ATG10: variants seen among roughly 807,000 people sequenced by gnomAD.
ATG10 encodes the protein ubiquitin-like-conjugating enzyme ATG10.
A neutral mutation model predicts 32.1 loss-of-function variants in ATG10; 30 were observed. The observed-to-expected ratio is 0.94, with a 90% confidence interval of 0.70 to 1.27. ATG10 has a LOEUF of 1.27. ATG10 is among the 50% of genes most tolerant of loss of function. The pLI is 0.00. For missense variants in ATG10, 233 were observed against 262.3 expected (o/e 0.89, Z 0.77); for synonymous variants, 87 against 91.5 (o/e 0.95, Z 0.28).
At chr5:81,978,787 A>G (rs936646285) in intron 1 of ATG10, among the ~76,000 whole-genome samples, 24 of 152,144 alleles carry the variant, frequency 1.6e-4, no homozygotes, top group African/African-American at 5.8e-4. Context: ...CGGCCTTGCA[A>G]AGTGTACATC....
intron 3 of ATG10, among the ~76,000 whole-genome samples, chr5:82,114,488 A>C (rs1344479821): frequency 1.3e-5 from 2 of 152,072 alleles, no homozygotes; most frequent in Admixed American, 1.3e-4. Context: ...AATTTTTCCT[A>C]GTGTTCATTG....
rs150583269 is a variant in ATG10, at chr5:81,977,999, A to G, written c.-13+5693A>G. Among the ~76,000 whole-genome samples, 1,138 of 152,322 alleles carry G rather than the reference A, an allele frequency of 7.5e-3. 10 individuals carry two copies. Among genetic ancestry groups the G allele is most frequent in the African/African-American group, 0.023 (973 of 41,568 alleles). On this transcript the variant is annotated intron_variant, in intron 1 of 7. Transcript: ENST00000282185. The stretch of plus-strand genomic sequence containing the variant: ...CCAAAATAAAAATATGGCACTTGGT[A>G]GTATATTTTAAAGACACTTTGCTCT...
chr5:82,235,645 G>A (rs1052169408), intron 5 of ATG10, among the ~76,000 whole-genome samples: 3 of 152,176 alleles, frequency 2.0e-5, no homozygotes, highest in Non-Finnish European at 2.9e-5. Context: ...ACTTGCAGGG[G>A]TTTGACTAGA....
chr5:82,016,729 C>A (rs1403067290), intron 2 of ATG10, among the ~76,000 whole-genome samples: 1 of 150,898 alleles, frequency 6.6e-6, no homozygotes, highest in Non-Finnish European at 1.5e-5. Flanking sequence ...TGCTCTGTTG[C>A]CCAGGCTGGA....
Position 82,098,755 on chromosome 5 carries a change from A to G in ATG10, c.216+40153A>G, listed in dbSNP as rs527705997. On this transcript the variant is annotated intron_variant, in intron 3 of 7. Transcript: ENST00000282185. The stretch of plus-strand genomic sequence containing the variant: ...TCAGAATTGACTAAGATTTGGAGAA[A>G]CAGTCATAGCTGCTGGAACAATGTG... Among the ~76,000 whole-genome samples, 4 of 152,314 alleles carry G rather than the reference A, an allele frequency of 2.6e-5. No homozygotes were observed. The East Asian group carries it at 7.7e-4, about 29-fold the overall frequency.
At chr5:82,041,746 A>G (rs1022024946) in intron 2 of ATG10, among the ~76,000 whole-genome samples, 44 of 151,952 alleles carry the variant, frequency 2.9e-4, no homozygotes, top group African/African-American at 9.7e-4. Context: ...CTCCAATTAC[A>G]TGTTTTTTTA....
chr5:82,253,658 T>G (rs1340826434), intron 7 of ATG10, among the ~76,000 whole-genome samples: 1 of 152,174 alleles, frequency 6.6e-6, no homozygotes, highest in East Asian at 1.9e-4. Flanking sequence ...GAGCGGCAGC[T>G]GGGTGGGCAA....
rs553519070 is a variant in ATG10 at position 82,068,827 on chromosome 5, A to C, written c.216+10225A>C. On this transcript the variant is annotated intron_variant, in intron 3 of 7. Transcript: ENST00000282185. ...TCAAACTTTAGGTGGCTCTTTTTTC[A>C]TGAAGAATTTCTGAGGAAGATATGT... Among the ~76,000 whole-genome samples, 249 of 150,268 alleles carry C rather than the reference A, an allele frequency of 1.7e-3. 2 individuals carry two copies. Among genetic ancestry groups the C allele is most frequent in the African/African-American group, 5.7e-3 (236 of 41,254 alleles).
intron 5 of ATG10, among the ~76,000 whole-genome samples, chr5:82,180,136 G>A (rs1744176537): frequency 1.3e-5 from 2 of 152,154 alleles, no homozygotes. Flanking sequence ...CCTATGGGAT[G>A]TGGTCTAAAT....
intron 5 of ATG10, among the ~76,000 whole-genome samples, chr5:82,214,305 C>T (rs1175268236): frequency 1.3e-5 from 2 of 152,138 alleles, no homozygotes; most frequent in African/African-American, 2.4e-5. Context: ...GCCACAAAAT[C>T]TGTGAATAGA....
intron 3 of ATG10, among the ~76,000 whole-genome samples, chr5:82,107,181 G>C (rs991015446): frequency 6.6e-6 from 1 of 152,010 alleles, no homozygotes; most frequent in Non-Finnish European, 1.5e-5. Context: ...CTTCTCAACA[G>C]TTTCAGCTAA....
intron 2 of ATG10, among the ~76,000 whole-genome samples, chr5:82,019,222 C>T (rs1488920278): frequency 2.6e-5 from 4 of 152,094 alleles, no homozygotes; most frequent in Non-Finnish European, 5.9e-5. Flanking sequence ...CATGAAAACA[C>T]CATAACATTT....
intron 5 of ATG10, among the ~76,000 whole-genome samples, chr5:82,246,434 A>T (rs181255409): frequency 4.5e-4 from 68 of 151,956 alleles, no homozygotes; most frequent in African/African-American, 1.6e-3. Flanking sequence ...TATGCCTATA[A>T]TCCCAGCACT....
chr5:82,098,323 T>G (rs1581687668), intron 3 of ATG10, among the ~76,000 whole-genome samples: 1 of 146,432 alleles, frequency 6.8e-6, no homozygotes, highest in Non-Finnish European at 1.5e-5. Flanking sequence ...TTTTTTTTTT[T>G]TTTTTTGAGA....
At chr5:82,229,468 G>A (rs1463018545) in intron 5 of ATG10, among the ~76,000 whole-genome samples, 1 of 152,176 alleles carries the variant, frequency 6.6e-6, no homozygotes. Context: ...AAGTTTGGAT[G>A]CCACTTTCTT....
At chr5:82,253,248 T>C in intron 6 of ATG10, 66 bp from the exon 7 acceptor site, 1 of 1,070,090 alleles carries the variant, frequency 9.3e-7, no homozygotes, top group Admixed American at 1.7e-5. Context: ...CCAACTGATG[T>C]TCTACCATTC....
chr5:82,018,214 C>A (rs1204344497), intron 2 of ATG10, among the ~76,000 whole-genome samples: 1 of 152,184 alleles, frequency 6.6e-6, no homozygotes. Flanking sequence ...GATGACAACT[C>A]CATCCTTCCA....
At chr5:82,249,599 C>G (rs1747159952) in intron 5 of ATG10, among the ~76,000 whole-genome samples, 1 of 152,140 alleles carries the variant, frequency 6.6e-6, no homozygotes, top group Non-Finnish European at 1.5e-5. Flanking sequence ...GAGACAGATA[C>G]TATCATTAGC....
chr5:82,154,588 C>G (rs1767737399), intron 3 of ATG10, among the ~76,000 whole-genome samples: 1 of 152,100 alleles, frequency 6.6e-6, no homozygotes, highest in African/African-American at 2.4e-5. Flanking sequence ...AAATTCTGTG[C>G]TTTTTTATTT....
Sources: gnomAD v4.1 joint callset for allele counts (sites outside exome capture counted in the v4.1 genomes callset) on GRCh38, gnomAD v4.1.1 for gene constraint, MANE v1.5 for transcripts, NCBI Gene and HGNC (gene_info 2026-07-23, HGNC 2026-07-21) for gene names.